The following INSR variants were observed in gnomAD, a reference collection of about 807,000 sequenced individuals.
INSR encodes insulin receptor.
INSR carries 67 observed loss-of-function variants against 142.6 expected under a neutral mutation model. The ratio of observed to expected loss-of-function variants is 0.47; its 90% CI spans 0.39 to 0.58. The LOEUF is 0.58. Ranked by LOEUF, INSR falls within the 20% of genes least tolerant of loss-of-function variation. The probability of loss-of-function intolerance (pLI) is 0.00; values close to 1 mark genes in which losing one functional copy is unlikely to be tolerated. For missense variants in INSR, 1,248 were observed against 1,833.2 expected (o/e 0.68, Z 5.83); for synonymous variants, 756 against 743.1 (o/e 1.02, Z -0.28).
Position 7,125,515 on chromosome 19 carries a change from G to C in INSR, c.3026C>G (p.Ser1009Cys). The change falls in exon 17 of 22, where the codon TCT becomes TGT. Residue 1009 changes from serine (S) to cysteine (C), a missense_variant. Transcript: ENST00000302850. The surrounding 1 kb of genome is among the most constrained non-coding windows in gnomAD (Gnocchi z 4.9). ...CTCCCACTCGTCCGGCACGTACACA[G>C]AGCATGGAAACACTACTTCTTACTT... Reference protein sequence around the residue: ...YLSASDVFPCSVYVPDEWEVS... With the variant: ...YLSASDVFPCCVYVPDEWEVS... 6.2e-7 allele frequency: 1 copy of C among 1,613,646 alleles called. No individual in the cohort carries two copies. The highest frequency in any genetic ancestry group is 1.3e-5 in the African/African-American group (1 of 74,970).
At position 7,204,846 on chromosome 19, in the gene INSR, C is replaced by T. The variant is rs895438318; in HGVS notation, c.653-20209G>A. 1.4e-4 allele frequency among the ~76,000 whole-genome samples: 22 copies of T among 152,226 alleles called. No individual in the cohort carries two copies. The East Asian group carries it at 2.5e-3, about 17-fold the overall frequency. On this transcript the variant is annotated intron_variant, in intron 2 of 21. Coordinates refer to ENST00000302850, the MANE Select transcript of INSR (RefSeq NM_000208.4). Reference sequence around the variant, plus strand: ...CTGTAATCCCAGCACTTTGGGAGGCCGAGGCGGGCAGAGCACTTGAGGTCA... The same window carrying T: ...CTGTAATCCCAGCACTTTGGGAGGCTGAGGCGGGCAGAGCACTTGAGGTCA...
intron 3 of INSR, among the ~76,000 whole-genome samples, chr19:7,175,240 G>A (rs947042090): frequency 2.6e-5 from 4 of 152,096 alleles, no homozygotes; most frequent in Non-Finnish European, 4.4e-5. Context: ...GGAGCCGGGC[G>A]TGGTGGCTCC....
At chr19:7,208,748 G>A (rs1975188289) in intron 2 of INSR, among the ~76,000 whole-genome samples, 1 of 152,214 alleles carries the variant, frequency 6.6e-6, no homozygotes, top group Non-Finnish European at 1.5e-5. Flanking sequence ...GCTCACGCCT[G>A]TAATCCCAGC....
intron 4 of INSR, 50 bp from the exon 5 acceptor site, chr19:7,172,484 C>A (rs1369514866): frequency 1.3e-6 from 2 of 1,586,110 alleles, no homozygotes; most frequent in Non-Finnish European, 8.6e-7. Context: ...ATATTTCAAT[C>A]TTCTCATGAT....
At chr19:7,212,317 G>A (rs1215749662) in intron 2 of INSR, among the ~76,000 whole-genome samples, 5 of 152,084 alleles carry the variant, frequency 3.3e-5, no homozygotes, top group Non-Finnish European at 7.4e-5. Context: ...AGCTTTGGGG[G>A]CTCCAGCACC....
chr19:7,222,224 A>G (rs1038010382), intron 2 of INSR, among the ~76,000 whole-genome samples: 3 of 151,620 alleles, frequency 2.0e-5, no homozygotes, highest in South Asian at 2.1e-4. Flanking sequence ...CCCAACATCT[A>G]TCTAGCCCAG....
At chr19:7,203,090 G>T (rs1975014482) in intron 2 of INSR, among the ~76,000 whole-genome samples, 1 of 149,830 alleles carries the variant, frequency 6.7e-6, no homozygotes, top group South Asian at 2.2e-4. Context: ...AGAGTGCAAA[G>T]TTCAGTCCTA....
At chr19:7,118,982 A>C (rs908490210) in intron 21 of INSR, among the ~76,000 whole-genome samples, 2 of 151,668 alleles carry the variant, frequency 1.3e-5, no homozygotes, top group Non-Finnish European at 2.9e-5. Flanking sequence ...CCAGGTCTCC[A>C]GTTCCCTTCT....
At chr19:7,152,385 A>C (rs1197002723) in intron 10 of INSR, 1 of 337,628 alleles carries the variant, frequency 3.0e-6, no homozygotes, top group African/African-American at 2.2e-5. Context: ...TGTCAAAAAA[A>C]AAAAAAAAAG....
intron 9 of INSR, 74 bp from the exon 10 acceptor site, chr19:7,153,001 C>G: frequency 1.4e-6 from 1 of 735,296 alleles, no homozygotes; most frequent in South Asian, 1.6e-5. Context: ...ACACACCCCA[C>G]ACACACACAC....
At chr19:7,131,268 G>C (rs996241330) in intron 14 of INSR, among the ~76,000 whole-genome samples, 3 of 151,958 alleles carry the variant, frequency 2.0e-5, no homozygotes, top group Non-Finnish European at 2.9e-5. Context: ...ATCAAAAAAC[G>C]ACCTATCAGG....
chr19:7,219,110 A>G (rs757754730), intron 2 of INSR, among the ~76,000 whole-genome samples: 1 of 152,208 alleles, frequency 6.6e-6, no homozygotes, highest in African/African-American at 2.4e-5. Flanking sequence ...GATTTAAAAA[A>G]CAAACAAACA....
At position 7,142,970 on chromosome 19, in the gene INSR, C is replaced by A; in HGVS notation, c.2388G>T (p.Arg796Ser). The A allele has an allele frequency of 6.2e-7, 1 of 1,614,170 alleles. No homozygotes were observed. Among genetic ancestry groups the A allele is most frequent in the Non-Finnish European group, 8.5e-7 (1 of 1,180,034 alleles). ...TSVPTSPEEH[R>S]PFEKVVNKES... is the part of the protein sequence containing the mutation. ...CCTTGTTCACCACCTTCTCAAAAGG[C>A]CTGTGCTCCTCCGGACTCGTGGGCA... is the stretch of plus-strand genomic sequence containing the variant. Residue 796 changes from arginine to serine, a missense_variant, in exon 12 of 22, where the codon AGG becomes AGT. Physicochemically the swap from Arg to Ser is moderately radical, Grantham distance 110 (BLOSUM62 -1). This residue lies in a region of INSR where 1,069 missense variants were observed against 1,654.0 expected (regional missense o/e 0.65). Coordinates refer to ENST00000302850, the MANE Select transcript of INSR (RefSeq NM_000208.4).
chr19:7,126,247 C>T lies in INSR; in HGVS notation c.3013+337G>A, dbSNP rs146427547. Among the ~76,000 whole-genome samples, 296 of 152,272 alleles carry T rather than the reference C, an allele frequency of 1.9e-3. 2 individuals carry two copies. Among genetic ancestry groups the T allele is most frequent in the African/African-American group, 6.6e-3 (274 of 41,560 alleles). On this transcript the variant is annotated intron_variant, in intron 16 of 21. Coordinates refer to ENST00000302850, the MANE Select transcript of INSR (RefSeq NM_000208.4). ...TGTGAGTGAAATCATCTAAGACTAC[C>T]GAGTGCTAGCTGACACACCAGCAAA... is the stretch of plus-strand genomic sequence containing the variant.
chr19:7,118,204 G>A (rs374205361), intron 21 of INSR, among the ~76,000 whole-genome samples: 32 of 151,886 alleles, frequency 2.1e-4, no homozygotes, highest in East Asian at 2.0e-3. Flanking sequence ...GTGCCACTGC[G>A]CTCTACCAGC....
chr19:7,186,041 A>G (rs1424068116), intron 2 of INSR, among the ~76,000 whole-genome samples: 2 of 150,738 alleles, frequency 1.3e-5, no homozygotes, highest in Non-Finnish European at 3.0e-5. Context: ...CTGATGATAC[A>G]AACAATTAGC....
intron 11 of INSR, among the ~76,000 whole-genome samples, chr19:7,148,572 A>G (rs8102015): frequency 1 from 148,611 of 148,614 alleles, 74,304 homozygotes; most frequent in Middle Eastern, 1. Flanking sequence ...CCGCCTCCAG[A>G]AATCAAGTGA....
chr19:7,291,469 G>T (rs1968493681), intron 1 of INSR, among the ~76,000 whole-genome samples: 1 of 152,144 alleles, frequency 6.6e-6, no homozygotes, highest in Non-Finnish European at 1.5e-5. Context: ...AGAGAATAAG[G>T]AACTCCTTAA....
Position 7,115,358 on chromosome 19 carries a change from G to A in INSR, c.*1698C>T, listed in dbSNP as rs1204237751. 6.6e-6 allele frequency: 1 copy of A among 152,174 alleles called. No individual in the cohort carries two copies. The highest frequency in any genetic ancestry group is 1.5e-5 in the Non-Finnish European group (1 of 68,036). The allele number at this position is 152,174 out of a possible 1,614,324, so 9.4% of individuals were successfully genotyped here. ...TCGGAAGTTCTTGGTGGTGTGTAAG[G>A]TCTTTTTCACGGTTTCTCCTCCAGA... On this transcript the variant is annotated 3_prime_UTR_variant, in exon 22 of 22. Coordinates refer to ENST00000302850, the MANE Select transcript of INSR (RefSeq NM_000208.4).
Sources: gnomAD v4.1 joint callset for allele counts (sites outside exome capture counted in the v4.1 genomes callset) on GRCh38, gnomAD v4.1.1 for gene constraint, gnomAD v4.1.1 regional missense constraint, Gnocchi (gnomAD v3.1) non-coding constraint, MANE v1.5 for transcripts, NCBI Gene and HGNC (gene_info 2026-07-23, HGNC 2026-07-21) for gene names.